Variants in FSIP1 observed in about 807,000 individuals in gnomAD.
The protein encoded by FSIP1 is fibrous sheath-interacting protein 1.
In FSIP1, 65 loss-of-function variants were observed where a neutral mutation model predicts 60.9. That is an observed-to-expected ratio of 1.07 (90% CI 0.87 to 1.31). The LOEUF is 1.31. FSIP1 is among the 40% of genes most tolerant of loss of function. The pLI, the probability that FSIP1 is intolerant of heterozygous loss-of-function variation, is 0.00. For synonymous variants in FSIP1, 209 were observed against 221.2 expected (o/e 0.94, Z 0.49); for missense variants, 675 against 665.5 (o/e 1.01, Z -0.16).
At chr15:39,731,023 T>C (rs1483577680) in intron 8 of FSIP1, among the ~76,000 whole-genome samples, 2 of 152,216 alleles carry the variant, frequency 1.3e-5, no homozygotes, top group Non-Finnish European at 2.9e-5. Flanking sequence ...CTTTGTTACT[T>C]GCAACCCAGA....
At chr15:39,639,122 A>G (rs1355688197) in intron 10 of FSIP1, among the ~76,000 whole-genome samples, 1 of 152,226 alleles carries the variant, frequency 6.6e-6, no homozygotes, top group African/African-American at 2.4e-5. Flanking sequence ...AGAGGTTAAA[A>G]ATTTACTGAA....
intron 8 of FSIP1, among the ~76,000 whole-genome samples, chr15:39,732,573 C>T (rs1179920750): frequency 7.3e-6 from 1 of 136,726 alleles, no homozygotes; most frequent in African/African-American, 2.9e-5. Context: ...GAGCCAAGAT[C>T]GTGCCATTGC....
intron 10 of FSIP1, among the ~76,000 whole-genome samples, chr15:39,620,865 C>T (rs1272834022): frequency 6.6e-6 from 1 of 150,932 alleles, no homozygotes; most frequent in Non-Finnish European, 1.5e-5. Context: ...CTCGGCCTCC[C>T]AAATTGTTAA....
At position 39,725,184 on chromosome 15, in the gene FSIP1, T is replaced by C. The variant is rs150388425; in HGVS notation, c.1050+1405A>G. ...AGGCGGAGCTTGCAGTGAGCCGAGATCGCGCCACTGAACTCCAGCCTGGTG... is the reference window on the plus strand; with the variant it reads ...AGGCGGAGCTTGCAGTGAGCCGAGACCGCGCCACTGAACTCCAGCCTGGTG... On this transcript the variant is annotated intron_variant, in intron 9 of 11. Transcript: ENST00000350221. 5.0e-3 allele frequency among the ~76,000 whole-genome samples: 766 copies of C among 152,294 alleles called. 7 individuals carry two copies. Among genetic ancestry groups the C allele is most frequent in the African/African-American group, 0.017 (720 of 41,560 alleles).
chr15:39,615,256 A>T (rs922473619), intron 11 of FSIP1, among the ~76,000 whole-genome samples: 12 of 152,168 alleles, frequency 7.9e-5, no homozygotes, highest in African/African-American at 2.9e-4. Flanking sequence ...AAAAATAGAC[A>T]AATGTGATTA....
chr15:39,774,344 C>T (rs1264790373), intron 2 of FSIP1, among the ~76,000 whole-genome samples: 2 of 151,972 alleles, frequency 1.3e-5, no homozygotes, highest in Non-Finnish European at 2.9e-5. Flanking sequence ...TTAGGTGTGC[C>T]TATTGGTGTG....
chr15:39,647,596 T>A (rs922125240), intron 10 of FSIP1, among the ~76,000 whole-genome samples: 3 of 152,070 alleles, frequency 2.0e-5, no homozygotes, highest in African/African-American at 7.2e-5. Flanking sequence ...CCCCATGACA[T>A]CACTGGTATG....
intron 10 of FSIP1, among the ~76,000 whole-genome samples, chr15:39,658,251 A>AT (rs71132110): frequency 0.014 from 1,480 of 105,276 alleles, 39 homozygotes; most frequent in African/African-American, 0.036. Flanking sequence ...AGCAGACATG[A>AT]TTTTTTTTTT....
chr15:39,737,788 C>A (rs1440475827), intron 8 of FSIP1, among the ~76,000 whole-genome samples: 2 of 151,992 alleles, frequency 1.3e-5, no homozygotes, highest in African/African-American at 2.4e-5. Context: ...AAGCCTAGTA[C>A]TCATTAGTTA....
At chr15:39,651,521 C>T (rs1369744093) in intron 10 of FSIP1, among the ~76,000 whole-genome samples, 1 of 152,190 alleles carries the variant, frequency 6.6e-6, no homozygotes, top group Non-Finnish European at 1.5e-5. Flanking sequence ...AGTTACTTCT[C>T]TAAGCCTCAG....
intron 8 of FSIP1, among the ~76,000 whole-genome samples, chr15:39,737,034 G>A (rs1896635794): frequency 1.3e-5 from 2 of 152,164 alleles, no homozygotes; most frequent in African/African-American, 2.4e-5. Flanking sequence ...CAGGGAAAGG[G>A]GATATGGGCA....
chr15:39,659,087 T>C (rs1424894989), intron 10 of FSIP1, among the ~76,000 whole-genome samples: 1 of 152,230 alleles, frequency 6.6e-6, no homozygotes, highest in Non-Finnish European at 1.5e-5. Context: ...ATTCCATGTA[T>C]ATGAAATGTC....
chr15:39,651,692 A>G (rs1019627911), intron 10 of FSIP1, among the ~76,000 whole-genome samples: 1 of 152,244 alleles, frequency 6.6e-6, no homozygotes, highest in African/African-American at 2.4e-5. Context: ...TTATTGTTAT[A>G]AAAAGGACAG....
intron 1 of FSIP1, among the ~76,000 whole-genome samples, chr15:39,780,761 G>A (rs1898235768): frequency 6.6e-6 from 1 of 152,114 alleles, no homozygotes; most frequent in Admixed American, 6.5e-5. Context: ...TATTGTTATT[G>A]TATTTGTAGT....
intron 5 of FSIP1, among the ~76,000 whole-genome samples, chr15:39,753,162 T>C (rs1387054234): frequency 5.9e-5 from 9 of 152,022 alleles, no homozygotes; most frequent in Non-Finnish European, 5.9e-5. Flanking sequence ...GAATAGCAAA[T>C]ATGAAGGCAG....
At chr15:39,717,937 G>T (rs1176633323) in intron 9 of FSIP1, among the ~76,000 whole-genome samples, 1 of 152,198 alleles carries the variant, frequency 6.6e-6, no homozygotes, top group Non-Finnish European at 1.5e-5. Flanking sequence ...TACCGCTCAA[G>T]CGCTCACGCT....
intron 10 of FSIP1, among the ~76,000 whole-genome samples, chr15:39,670,729 C>T (rs986646640): frequency 3.3e-5 from 5 of 152,242 alleles, no homozygotes; most frequent in African/African-American, 1.2e-4. Context: ...CCATGTTATA[C>T]TGCATGTCAT....
Position 39,656,577 on chromosome 15 carries a change from G to A in FSIP1, c.1189-38332C>T, listed in dbSNP as rs1028131456. On this transcript the variant is annotated intron_variant, in intron 10 of 11. Transcript: ENST00000350221. ...CTTAGGGAAATTGCTTGATCAATAT[G>A]AGCCTCAATTTCTTCATCTATAAAG... 7.2e-5 allele frequency among the ~76,000 whole-genome samples: 11 copies of A among 152,282 alleles called. No homozygotes were observed. The South Asian group carries it at 2.3e-3, about 32-fold the overall frequency.
chr15:39,688,233 T>G (rs1894460918), intron 10 of FSIP1, among the ~76,000 whole-genome samples: 1 of 152,220 alleles, frequency 6.6e-6, no homozygotes. Context: ...CTCCTCAACT[T>G]ACAATGGGCT....
Sources: allele counts gnomAD v4.1 joint callset (sites outside exome capture counted in the v4.1 genomes callset), GRCh38; gene constraint gnomAD v4.1.1; transcripts MANE v1.5; gene names NCBI Gene and HGNC (gene_info 2026-07-23, HGNC 2026-07-21).